The following IQCM variants were observed in gnomAD, a reference collection of about 807,000 sequenced individuals.
The protein encoded by IQCM is IQ motif containing M.
IQCM carries 45 observed loss-of-function variants against 57.6 expected under a neutral mutation model. The ratio of observed to expected loss-of-function variants is 0.78; its 90% confidence interval spans 0.62 to 1.00. IQCM has a LOEUF of 1.00. Among genes scored for constraint, IQCM ranks in the 50% least tolerant of loss-of-function variants. The pLI, the probability that IQCM is intolerant of heterozygous loss-of-function variation, is 0.00. For synonymous variants in IQCM, 148 were observed against 158.9 expected (o/e 0.93, Z 0.51); for missense variants, 468 against 511.6 (o/e 0.91, Z 0.82).
chr4:149,430,972 G>A (rs1045644208), intron 13 of IQCM, among the ~76,000 whole-genome samples: 4 of 151,852 alleles, frequency 2.6e-5, no homozygotes, highest in Non-Finnish European at 4.4e-5. Flanking sequence ...GGCTGAGGAC[G>A]GGCAGATCAC....
chr4:149,704,291 G>A (rs975263563), intron 5 of IQCM, among the ~76,000 whole-genome samples: 4 of 151,738 alleles, frequency 2.6e-5, no homozygotes, highest in African/African-American at 4.8e-5. Flanking sequence ...CTCAACCCCT[G>A]GAATAAACAC....
chr4:149,499,796 C>T (rs760774779), intron 12 of IQCM, among the ~76,000 whole-genome samples: 17 of 152,040 alleles, frequency 1.1e-4, no homozygotes, highest in Non-Finnish European at 2.2e-4. Context: ...AGAAAGGAAA[C>T]ATAGACTGAC....
intron 13 of IQCM, among the ~76,000 whole-genome samples, chr4:149,352,348 T>C (rs1263259723): frequency 6.6e-6 from 1 of 152,176 alleles, no homozygotes; most frequent in Admixed American, 6.5e-5. Context: ...TATCTGTGGG[T>C]TCCCTGGTAA....
At chr4:149,371,210 C>T (rs1003431927) in intron 13 of IQCM, among the ~76,000 whole-genome samples, 4 of 152,046 alleles carry the variant, frequency 2.6e-5, no homozygotes, top group African/African-American at 9.7e-5. Context: ...AGATGTCACC[C>T]TTTGTAACAT....
chr4:149,620,360 G>A (rs1262682303), intron 8 of IQCM, among the ~76,000 whole-genome samples: 1 of 151,884 alleles, frequency 6.6e-6, no homozygotes, highest in African/African-American at 2.4e-5. Flanking sequence ...TGTAATAACA[G>A]CAAATGGCAA....
At chr4:149,717,518 C>A (rs970993763) in intron 5 of IQCM, among the ~76,000 whole-genome samples, 7 of 152,140 alleles carry the variant, frequency 4.6e-5, no homozygotes, top group Non-Finnish European at 8.8e-5. Context: ...ATTTTAACTT[C>A]TTTTATATAA....
At chr4:149,596,010 T>C (rs995896199) in intron 8 of IQCM, among the ~76,000 whole-genome samples, 1 of 152,086 alleles carries the variant, frequency 6.6e-6, no homozygotes, top group African/African-American at 2.4e-5. Context: ...CACAGAAAAA[T>C]ACATGTTGCT....
chr4:149,806,259 ATTTAG>A (rs1306262613), intron 2 of IQCM, among the ~76,000 whole-genome samples: 2 of 151,752 alleles, frequency 1.3e-5, no homozygotes, highest in Non-Finnish European at 3.0e-5. Flanking sequence ...TATTTATTTA[ATTTAG>A]TTTAGTTATT....
intron 4 of IQCM, among the ~76,000 whole-genome samples, chr4:149,735,142 A>G (rs959644593): frequency 3.3e-5 from 5 of 152,196 alleles, no homozygotes; most frequent in Non-Finnish European, 7.3e-5. Flanking sequence ...ATTGTATTAA[A>G]TGTACAAATT....
intron 8 of IQCM, among the ~76,000 whole-genome samples, chr4:149,612,397 C>T (rs963924736): frequency 5.9e-5 from 9 of 152,094 alleles, no homozygotes; most frequent in Non-Finnish European, 1.0e-4. Flanking sequence ...TTTTTCCACC[C>T]ATTTTCTCAT....
chr4:149,657,087 G>A (rs753549235), intron 7 of IQCM, among the ~76,000 whole-genome samples: 4 of 152,056 alleles, frequency 2.6e-5, no homozygotes, highest in Non-Finnish European at 5.9e-5. Flanking sequence ...ACCCTACTGT[G>A]CAACAGAACA....
intron 13 of IQCM, among the ~76,000 whole-genome samples, chr4:149,406,023 T>C (rs1045123783): frequency 1.3e-5 from 2 of 151,714 alleles, no homozygotes; most frequent in African/African-American, 4.8e-5. Flanking sequence ...ATGCTGTTCT[T>C]ATTTTTATGA....
intron 5 of IQCM, among the ~76,000 whole-genome samples, chr4:149,687,794 C>T (rs1013537383): frequency 6.6e-6 from 1 of 151,842 alleles, no homozygotes; most frequent in Non-Finnish European, 1.5e-5. Context: ...GATGGTTTAA[C>T]ATATGCAAGT....
At position 149,486,017 on chromosome 4, in the gene IQCM, GTCTCTCTCTCTCTCTC is replaced by G. The variant is rs71596213; in HGVS notation, c.1229-52476_1229-52461del. Among the ~76,000 whole-genome samples the G allele has an allele frequency of 1.1e-3, 139 of 121,686 alleles. 1 individual carries two copies. The South Asian group carries it at 0.016, about 14-fold the overall frequency. 79.8% of individuals were successfully genotyped at this position (121,686 alleles called of 152,430 possible). A position where few individuals can be genotyped will look rare whatever the true frequency, so the allele number is the denominator to read the frequency against. On this transcript the variant is annotated intron_variant, in intron 12 of 13. Coordinates refer to ENST00000636793, the MANE Select transcript of IQCM (RefSeq NM_001363507.2). ...CCTTACTTTCTCCCAAGCAAACAGA[GTCTCTCTCTCTCTCTC>G]TCTCTCTCTCTCTCTCTCTCTCTCT...
chr4:149,500,713 G>A (rs1005257311), intron 12 of IQCM, among the ~76,000 whole-genome samples: 1 of 152,132 alleles, frequency 6.6e-6, no homozygotes, highest in Non-Finnish European at 1.5e-5. Context: ...AGGAAGAAAA[G>A]AGTGGAAATC....
intron 13 of IQCM, among the ~76,000 whole-genome samples, chr4:149,364,699 TAAG>T (rs960973495): frequency 1.3e-5 from 2 of 151,986 alleles, no homozygotes; most frequent in South Asian, 4.1e-4. Context: ...ATATAAATAA[TAAG>T]AACATCATAA....
At chr4:149,713,803 C>T (rs1215097362) in intron 5 of IQCM, among the ~76,000 whole-genome samples, 1 of 152,174 alleles carries the variant, frequency 6.6e-6, no homozygotes, top group Non-Finnish European at 1.5e-5. Context: ...CATCCACTCT[C>T]ATCTTCTTAT....
chr4:149,804,404 A>G (rs1193192727), intron 2 of IQCM, among the ~76,000 whole-genome samples: 2 of 152,008 alleles, frequency 1.3e-5, no homozygotes, highest in East Asian at 1.9e-4. Flanking sequence ...TGTCCCTTCC[A>G]GGTTCTAGCA....
intron 2 of IQCM, among the ~76,000 whole-genome samples, chr4:149,810,316 TGC>T (rs1774444443): frequency 6.9e-6 from 1 of 143,964 alleles, no homozygotes; most frequent in Non-Finnish European, 1.5e-5. Context: ...AAGCCATGAT[TGC>T]GCCATTACAC....
Sources: allele counts gnomAD v4.1 joint callset (sites outside exome capture counted in the v4.1 genomes callset), GRCh38; gene constraint gnomAD v4.1.1; transcripts MANE v1.5; gene names NCBI Gene and HGNC (gene_info 2026-07-23, HGNC 2026-07-21).